OLA1: variants seen among roughly 807,000 people sequenced by gnomAD.
OLA1 encodes the protein obg-like ATPase 1.
OLA1 carries 14 observed loss-of-function variants against 48.4 expected under a neutral mutation model. The observed-to-expected ratio is 0.29, with a 90% CI of 0.19 to 0.45. OLA1 has a LOEUF of 0.45. Ranked by LOEUF, OLA1 falls within the 20% of genes least tolerant of loss-of-function variation. OLA1 has a pLI of 1.00. For missense variants in OLA1, 325 were observed against 467.1 expected, an observed-to-expected ratio of 0.70 and a Z score of 2.80; for synonymous variants, 127 against 150.4, an observed-to-expected ratio of 0.84 and a Z score of 1.14.
At chr2:174,135,246 G>A (rs760078824) in intron 5 of OLA1, among the ~76,000 whole-genome samples, 5 of 151,462 alleles carry the variant, frequency 3.3e-5, no homozygotes, top group South Asian at 2.1e-4. Flanking sequence ...AAATCAGTAC[G>A]TTTAAAGTCC....
intron 5 of OLA1, among the ~76,000 whole-genome samples, chr2:174,134,696 C>T (rs905471861): frequency 3.3e-5 from 5 of 152,008 alleles, no homozygotes; most frequent in African/African-American, 1.2e-4. Context: ...GTTCTGAAAA[C>T]ATATAGGGGT....
chr2:174,078,880 T>G, intron 10 of OLA1, 88 bp downstream of exon 10: 1 of 1,372,858 alleles, frequency 7.3e-7, no homozygotes, highest in Non-Finnish European at 9.9e-7. Context: ...ACACTCAGTT[T>G]AAAAGATAAT....
chr2:174,105,615 G>C (rs749371426), intron 7 of OLA1, among the ~76,000 whole-genome samples: 2 of 151,910 alleles, frequency 1.3e-5, no homozygotes, highest in Non-Finnish European at 2.9e-5. Context: ...TCTCCAAAAA[G>C]AGTGACCCTA....
At chr2:174,244,127 T>C (rs1409349890) in intron 2 of OLA1, among the ~76,000 whole-genome samples, 3 of 152,184 alleles carry the variant, frequency 2.0e-5, no homozygotes, top group Non-Finnish European at 4.4e-5. Flanking sequence ...GCTGTTCAGA[T>C]TGTAATTCAC....
intron 4 of OLA1, among the ~76,000 whole-genome samples, chr2:174,148,738 C>T (rs1426432780): frequency 6.6e-6 from 1 of 152,142 alleles, no homozygotes; most frequent in Non-Finnish European, 1.5e-5. Context: ...TTTGTTGTTA[C>T]CTAACTAACT....
rs1558984598 is a variant in OLA1, at chr2:174,163,753, TATATATATATATATATA to T, written c.374-21770_374-21754del. Among the ~76,000 whole-genome samples the T allele has an allele frequency of 3.7e-3, 146 of 39,868 alleles. 11 individuals carry two copies. Among genetic ancestry groups the T allele is most frequent in the Middle Eastern group, 0.015 (1 of 66 alleles). The allele number at this position is 39,868 out of a possible 152,430, so 26.2% of individuals were successfully genotyped here. A position where few individuals can be genotyped will look rare whatever the true frequency, so the allele number is the denominator to read the frequency against. On this transcript the variant is annotated intron_variant, in intron 4 of 10. Coordinates refer to ENST00000284719, the MANE Select transcript of OLA1 (RefSeq NM_013341.5). ...ATATATATATATATATATATATATA[TATATATATATATATATA>T]TATATAAATAAATGTTTGGGTGCCT...
At chr2:174,193,995 C>T (rs1687831411) in intron 4 of OLA1, among the ~76,000 whole-genome samples, 1 of 152,152 alleles carries the variant, frequency 6.6e-6, no homozygotes, top group Non-Finnish European at 1.5e-5. Flanking sequence ...AAAGTAGACA[C>T]ACACACGTGC....
In OLA1 at chr2:174,214,098, C is replaced by T. The variant is rs570678925; in HGVS notation, c.373+8935G>A. Among the ~76,000 whole-genome samples, 4 of 151,824 alleles carry T rather than the reference C, an allele frequency of 2.6e-5. No homozygotes were observed. In the South Asian group the frequency reaches 6.2e-4, roughly 24 times the overall value. ...CTGTAATCCCAGCACTTTGGGAGGC[C>T]GAGGCAGGCAGATCATTTGAGGTCA... On this transcript the variant is annotated intron_variant, in intron 4 of 10. Transcript: ENST00000284719.
At chr2:174,246,838 T>G in intron 1 of OLA1, 23 bp from the exon 2 acceptor site, 1 of 1,482,140 alleles carries the variant, frequency 6.7e-7, no homozygotes, top group South Asian at 1.2e-5. Flanking sequence ...AGCAAACATA[T>G]GAACAAAACT....
At chr2:174,095,825 C>T (rs1004253099) in intron 7 of OLA1, among the ~76,000 whole-genome samples, 1 of 151,908 alleles carries the variant, frequency 6.6e-6, no homozygotes, top group African/African-American at 2.4e-5. Context: ...TCTTATAACT[C>T]AACGATAAAA....
chr2:174,152,204 C>T (rs1463245031), intron 4 of OLA1, among the ~76,000 whole-genome samples: 2 of 152,020 alleles, frequency 1.3e-5, no homozygotes, highest in Non-Finnish European at 2.9e-5. Flanking sequence ...GTCAGGAGTT[C>T]GAGACCAGCC....
chr2:174,194,324 C>T (rs1227489929), intron 4 of OLA1, among the ~76,000 whole-genome samples: 2 of 152,182 alleles, frequency 1.3e-5, no homozygotes, highest in Admixed American at 1.3e-4. Context: ...TTCTTGCTGG[C>T]CTGGACTCAA....
rs1050812266 is a variant in OLA1, at chr2:174,104,644, T to C, written c.728+18536A>G. 7.2e-5 allele frequency among the ~76,000 whole-genome samples: 11 copies of C among 152,160 alleles called. No individual in the cohort carries two copies. In the East Asian group the frequency reaches 2.1e-3, roughly 29 times the overall value. ...CATTTTGTGGGATGGTTATGCAGTT[T>C]TTTCCATGTTTTAAAATAAATCTTA... is the stretch of plus-strand genomic sequence containing the variant. On this transcript the variant is annotated intron_variant, in intron 7 of 10. Transcript: ENST00000284719.
At position 174,096,977 on chromosome 2, in the gene OLA1, G is replaced by A. The variant is rs545974898; in HGVS notation, c.729-14913C>T. 1.4e-4 allele frequency among the ~76,000 whole-genome samples: 22 copies of A among 152,118 alleles called. No individual in the cohort carries two copies. In the South Asian group the frequency reaches 3.9e-3, roughly 27 times the overall value. Reference sequence around the variant, plus strand: ...TCGAGACCAGCCTGGCCAACATGGCGAAACCCCGTCTCTACTAAAAATACA... The same window carrying A: ...TCGAGACCAGCCTGGCCAACATGGCAAAACCCCGTCTCTACTAAAAATACA... On this transcript the variant is annotated intron_variant, in intron 7 of 10. Coordinates refer to ENST00000284719, the MANE Select transcript of OLA1 (RefSeq NM_013341.5).
At chr2:174,198,375 A>G (rs932176747) in intron 4 of OLA1, among the ~76,000 whole-genome samples, 2 of 152,260 alleles carry the variant, frequency 1.3e-5, no homozygotes, top group African/African-American at 4.8e-5. Context: ...TAAAAACAAG[A>G]AAGTGGGCAG....
At chr2:174,121,917 T>C (rs1685924172) in intron 7 of OLA1, among the ~76,000 whole-genome samples, 2 of 152,210 alleles carry the variant, frequency 1.3e-5, no homozygotes, top group Non-Finnish European at 2.9e-5. Flanking sequence ...CTGTATTGTT[T>C]CACAGAGCCT....
chr2:174,079,249 A>T (rs551478406), intron 9 of OLA1, 159 bp from the exon 10 acceptor site: 1 of 535,776 alleles, frequency 1.9e-6, no homozygotes, highest in East Asian at 3.2e-5. Context: ...AACACTGGGT[A>T]GTATCTGTGC....
intron 4 of OLA1, among the ~76,000 whole-genome samples, chr2:174,199,370 C>T (rs956135584): frequency 6.6e-6 from 1 of 152,168 alleles, no homozygotes; most frequent in Non-Finnish European, 1.5e-5. Context: ...CTGAATTACA[C>T]ACTAGCAGGG....
intron 5 of OLA1, among the ~76,000 whole-genome samples, chr2:174,128,390 AC>A (rs1686094459): frequency 6.6e-6 from 1 of 151,692 alleles, no homozygotes; most frequent in South Asian, 2.1e-4. Flanking sequence ...ACAGAGCGAG[AC>A]CCTGTCTCCA....
Sources: gnomAD v4.1 joint callset for allele counts (sites outside exome capture counted in the v4.1 genomes callset) on GRCh38, gnomAD v4.1.1 for gene constraint, MANE v1.5 for transcripts, NCBI Gene and HGNC (gene_info 2026-07-23, HGNC 2026-07-21) for gene names.